The following ADAMTSL1 variants were observed in gnomAD, a reference collection of about 807,000 sequenced individuals.
ADAMTSL1 encodes ADAMTS like 1.
Under a neutral mutation model 201.8 loss-of-function variants are expected in ADAMTSL1, and 126 were observed. The observed-to-expected ratio is 0.62, with a 90% CI of 0.54 to 0.72. The LOEUF (loss-of-function observed/expected upper bound fraction) is 0.72. Among genes scored for constraint, ADAMTSL1 ranks in the 30% least tolerant of loss-of-function variants. ADAMTSL1 has a pLI of 0.00. For missense variants in ADAMTSL1, 2,679 were observed against 2,277.8 expected (o/e 1.18, Z -3.59); for synonymous variants, 1,121 against 903.4 (o/e 1.24, Z -4.32).
At chr9:18,425,062 A>G (rs775014001) in intron 2 of ADAMTSL1, among the ~76,000 whole-genome samples, 1 of 152,148 alleles carries the variant, frequency 6.6e-6, no homozygotes, top group Non-Finnish European at 1.5e-5. Context: ...TAAAGGTGCT[A>G]AGAGGAGAGA....
intron 23 of ADAMTSL1, among the ~76,000 whole-genome samples, chr9:18,851,312 GA>G (rs1388968085): frequency 6.6e-6 from 1 of 152,144 alleles, no homozygotes; most frequent in African/African-American, 2.4e-5. Context: ...GTAATAAAGA[GA>G]GTGCTGAATA....
chr9:18,219,343 T>TTTTATTTATTTA (rs57023892), intron 2 of ADAMTSL1, among the ~76,000 whole-genome samples: 13 of 145,410 alleles, frequency 8.9e-5, no homozygotes, highest in African/African-American at 1.3e-4. Context: ...TACATTTTAT[T>TTTTATTTATTTA]TTTATTTATT....
intron 2 of ADAMTSL1, among the ~76,000 whole-genome samples, chr9:18,287,287 C>T (rs1833026578): frequency 6.6e-6 from 1 of 151,856 alleles, no homozygotes; most frequent in Admixed American, 6.6e-5. Context: ...AGCCTGGCAT[C>T]AATGGAAGTA....
intron 8 of ADAMTSL1, among the ~76,000 whole-genome samples, chr9:18,658,385 A>C (rs1351592577): frequency 2.0e-5 from 3 of 152,220 alleles, no homozygotes; most frequent in Non-Finnish European, 2.9e-5. Context: ...ACTTACATAT[A>C]AACTACTCAT....
At chr9:18,315,748 G>A (rs781590499) in intron 2 of ADAMTSL1, among the ~76,000 whole-genome samples, 34 of 152,304 alleles carry the variant, frequency 2.2e-4, no homozygotes, top group African/African-American at 3.1e-4. Flanking sequence ...AGCTAGCTCC[G>A]GCCTCAGCCA....
intron 2 of ADAMTSL1, among the ~76,000 whole-genome samples, chr9:18,431,015 G>A (rs952026129): frequency 6.6e-5 from 10 of 152,132 alleles, no homozygotes; most frequent in South Asian, 4.1e-4. Context: ...GCCCAGATGC[G>A]TACACTAATC....
rs1490295936 is a variant in ADAMTSL1, at chr9:18,659,562, C to T, written c.946+1812C>T. The stretch of plus-strand genomic sequence containing the variant: ...GAAGGATGGCTTGAGGCCAGGAGTT[C>T]GAGACCAGTCTGGCCAACATGGTGA... On this transcript the variant is annotated intron_variant, in intron 8 of 28. Coordinates refer to ENST00000380548, the MANE Select transcript of ADAMTSL1 (RefSeq NM_001040272.6). Among the ~76,000 whole-genome samples, 19 of 152,268 alleles carry T rather than the reference C, an allele frequency of 1.2e-4. No homozygotes were observed. The South Asian group carries it at 1.9e-3, about 15-fold the overall frequency.
intron 1 of ADAMTSL1, among the ~76,000 whole-genome samples, chr9:17,965,238 A>G (rs1429280300): frequency 6.6e-6 from 1 of 152,142 alleles, no homozygotes; most frequent in East Asian, 1.9e-4. Context: ...ATGAACATTT[A>G]AAGGGAGAAA....
chr9:18,397,849 C>G (rs1331516669), intron 2 of ADAMTSL1, among the ~76,000 whole-genome samples: 1 of 152,136 alleles, frequency 6.6e-6, no homozygotes, highest in Non-Finnish European at 1.5e-5. Context: ...AACTGGATTT[C>G]CAGATGTCTT....
intron 7 of ADAMTSL1, among the ~76,000 whole-genome samples, chr9:18,647,017 C>T (rs1827857585): frequency 1.3e-5 from 2 of 152,072 alleles, no homozygotes; most frequent in Non-Finnish European, 2.9e-5. Flanking sequence ...TCCATCTGGT[C>T]CTGGACTCTT....
At chr9:18,537,968 A>AAAGAAGAAGAG (rs71494959) in intron 3 of ADAMTSL1, among the ~76,000 whole-genome samples, 34,904 of 149,782 alleles carry the variant, frequency 0.23, 4,706 homozygotes, top group East Asian at 0.63. Flanking sequence ...AGAAGAGAAG[A>AAAGAAGAAGAG]AAGAAGAAGA....
intron 2 of ADAMTSL1, among the ~76,000 whole-genome samples, chr9:18,245,540 T>C (rs985890115): frequency 2.6e-5 from 4 of 152,044 alleles, no homozygotes; most frequent in Non-Finnish European, 5.9e-5. Flanking sequence ...ATTGGAATTA[T>C]GGGGTTGAGA....
upstream of ADAMTSL1, among the ~76,000 whole-genome samples, chr9:18,471,915 A>G (rs1362038937): frequency 6.6e-6 from 1 of 152,238 alleles, no homozygotes; most frequent in African/African-American, 2.4e-5. Flanking sequence ...CTAAACTAGC[A>G]TGTAAGTGGT....
chr9:18,548,557 C>A (rs899575112), intron 3 of ADAMTSL1, among the ~76,000 whole-genome samples: 2 of 151,982 alleles, frequency 1.3e-5, no homozygotes, highest in African/African-American at 4.8e-5. Context: ...AAGAAACATA[C>A]ATTAAATAAG....
intron 23 of ADAMTSL1, among the ~76,000 whole-genome samples, chr9:18,850,444 C>T (rs1826420549): frequency 6.6e-6 from 1 of 152,220 alleles, no homozygotes; most frequent in Non-Finnish European, 1.5e-5. Flanking sequence ...ACAGCACTAT[C>T]AGAGCCCAGA....
chr9:18,057,999 A>G (rs558962815), intron 1 of ADAMTSL1, among the ~76,000 whole-genome samples: 2 of 152,324 alleles, frequency 1.3e-5, no homozygotes, highest in East Asian at 3.9e-4. Flanking sequence ...GCTATAAGTC[A>G]GCAGGGAAGG....
In ADAMTSL1 at chr9:18,733,438, G is replaced by T. The variant is rs140409621; in HGVS notation, c.2006+11773G>T. Reference sequence around the variant, plus strand: ...GGAGTCTAATAGAGCTAAAGTGAATGTCTTCAACCCCACCACTGAGTTATT... The same window carrying T: ...GGAGTCTAATAGAGCTAAAGTGAATTTCTTCAACCCCACCACTGAGTTATT... On this transcript the variant is annotated intron_variant, in intron 15 of 28. Transcript: ENST00000380548. Among the ~76,000 whole-genome samples the T allele has an allele frequency of 1.6e-3, 248 of 152,290 alleles. 2 individuals are homozygous for T. The highest frequency in any genetic ancestry group is 5.8e-3 in the African/African-American group (242 of 41,554).
chr9:18,192,276 A>C (rs1478810772), intron 2 of ADAMTSL1, among the ~76,000 whole-genome samples: 1 of 152,100 alleles, frequency 6.6e-6, no homozygotes, highest in Non-Finnish European at 1.5e-5. Flanking sequence ...AAACATCACC[A>C]CTTAGAGCAT....
At chr9:18,311,383 C>T (rs1461482545) in intron 2 of ADAMTSL1, among the ~76,000 whole-genome samples, 2 of 151,898 alleles carry the variant, frequency 1.3e-5, no homozygotes, top group South Asian at 2.1e-4. Flanking sequence ...AGAATGATAT[C>T]GTTTTATCAC....
Sources: gnomAD v4.1 joint callset for allele counts (sites outside exome capture counted in the v4.1 genomes callset) on GRCh38, gnomAD v4.1.1 for gene constraint, MANE v1.5 for transcripts, NCBI Gene and HGNC (gene_info 2026-07-23, HGNC 2026-07-21) for gene names.